The following TENM2 variants were observed in gnomAD, a reference collection of about 807,000 sequenced individuals.
TENM2 encodes the protein teneurin-2.
In TENM2, 52 loss-of-function variants were observed where a neutral mutation model predicts 245.2. That is an observed-to-expected ratio of 0.21 (90% CI 0.17 to 0.27). The LOEUF (loss-of-function observed/expected upper bound fraction) is 0.27. TENM2 is among the 10% of genes least tolerant of loss of function. TENM2 has a pLI of 1.00. For missense variants in TENM2, 3,046 were observed against 3,666.8 expected (o/e 0.83, Z 4.37); for synonymous variants, 1,363 against 1,438.9 (o/e 0.95, Z 1.19).
intron 2 of TENM2, among the ~76,000 whole-genome samples, chr5:167,448,332 GTTCTA>G (rs749679630): frequency 6.6e-6 from 1 of 151,902 alleles, no homozygotes; most frequent in Non-Finnish European, 1.5e-5. Flanking sequence ...TCTGCCTGCT[GTTCTA>G]TTTTATTGTG....
intron 2 of TENM2, among the ~76,000 whole-genome samples, chr5:167,607,925 A>T (rs1777174446): frequency 6.6e-6 from 1 of 152,074 alleles, no homozygotes; most frequent in African/African-American, 2.4e-5. Context: ...TTTTATTATA[A>T]CAGAAAATGT....
intron 9 of TENM2, among the ~76,000 whole-genome samples, chr5:168,099,574 G>T (rs1038311957): frequency 6.6e-6 from 1 of 152,018 alleles, no homozygotes; most frequent in Non-Finnish European, 1.5e-5. Context: ...TAATCTTCCC[G>T]TTATTTTCAT....
intron 1 of TENM2, among the ~76,000 whole-genome samples, chr5:167,341,681 G>T (rs981774645): frequency 6.6e-6 from 1 of 150,864 alleles, no homozygotes; most frequent in Admixed American, 6.6e-5. Context: ...TTTTTCTTTT[G>T]GTTCATTCAT....
chr5:167,415,052 C>T (rs749349221), intron 2 of TENM2, among the ~76,000 whole-genome samples: 1 of 152,098 alleles, frequency 6.6e-6, no homozygotes, highest in Non-Finnish European at 1.5e-5. Context: ...TCTTTCCTCA[C>T]AAGTATCCAC....
intron 3 of TENM2, among the ~76,000 whole-genome samples, chr5:167,900,696 T>C (rs1775628693): frequency 6.6e-6 from 1 of 152,204 alleles, no homozygotes; most frequent in Non-Finnish European, 1.5e-5. Context: ...TGTTAATCAC[T>C]GCGTTGGTTA....
intron 25 of TENM2, among the ~76,000 whole-genome samples, chr5:168,232,002 G>T (rs1256884885): frequency 6.6e-6 from 1 of 152,070 alleles, no homozygotes; most frequent in Non-Finnish European, 1.5e-5. Flanking sequence ...AGGAGTTTGA[G>T]GCTGCAGTGA....
intron 2 of TENM2, among the ~76,000 whole-genome samples, chr5:167,607,871 T>C (rs1239445371): frequency 1.3e-5 from 2 of 152,178 alleles, no homozygotes; most frequent in East Asian, 1.9e-4. Flanking sequence ...AGAATGAAGA[T>C]AGCTAACCCA....
chr5:168,191,407 G>T (rs1760947858), intron 14 of TENM2, among the ~76,000 whole-genome samples: 1 of 152,138 alleles, frequency 6.6e-6, no homozygotes, highest in African/African-American at 2.4e-5. Context: ...GGCCATGCTT[G>T]ATCTTCCTCT....
At chr5:167,984,023 G>A (rs1048320174) in intron 4 of TENM2, among the ~76,000 whole-genome samples, 1 of 152,156 alleles carries the variant, frequency 6.6e-6, no homozygotes, top group African/African-American at 2.4e-5. Flanking sequence ...TCAATGCTAA[G>A]CATTTCACGA....
intron 5 of TENM2, among the ~76,000 whole-genome samples, chr5:168,033,562 C>G (rs1006874446): frequency 2.6e-5 from 4 of 152,106 alleles, no homozygotes; most frequent in Admixed American, 1.3e-4. Flanking sequence ...TCCCAGACCT[C>G]AGTTAATTGT....
intron 3 of TENM2, among the ~76,000 whole-genome samples, chr5:167,913,751 A>G (rs1776720763): frequency 6.6e-6 from 1 of 152,284 alleles, no homozygotes; most frequent in Admixed American, 6.5e-5. Context: ...TACTCCAGAA[A>G]CTACTGTGAT....
At chr5:167,769,245 A>C (rs1763242224) in intron 2 of TENM2, among the ~76,000 whole-genome samples, 1 of 152,180 alleles carries the variant, frequency 6.6e-6, no homozygotes, top group Non-Finnish European at 1.5e-5. Flanking sequence ...TTTGGGGAGC[A>C]CTTAGAAATG....
intron 2 of TENM2, among the ~76,000 whole-genome samples, chr5:167,658,315 TCTC>T (rs1249379492): frequency 6.6e-6 from 1 of 151,890 alleles, no homozygotes; most frequent in African/African-American, 2.4e-5. Context: ...TTTAAGCTAT[TCTC>T]CTGCCTCGGC....
At chr5:167,375,528 C>T (rs1760696903) in intron 2 of TENM2, 55 bp downstream of exon 4, 1 of 1,494,756 alleles carries the variant, frequency 6.7e-7, no homozygotes, top group Non-Finnish European at 9.0e-7. Context: ...CCACGTGGGG[C>T]TTTGAATGTT....
intron 3 of TENM2, among the ~76,000 whole-genome samples, chr5:167,896,516 T>G (rs1775239210): frequency 6.6e-6 from 1 of 152,208 alleles, no homozygotes; most frequent in Admixed American, 6.5e-5. Context: ...TAAATAACTT[T>G]GCAACCCTAC....
chr5:167,368,520 G>A (rs77294078), intron 1 of TENM2, among the ~76,000 whole-genome samples: 3,908 of 152,012 alleles, frequency 0.026, 87 homozygotes, highest in African/African-American at 0.062. Context: ...AGATTTTCTT[G>A]GTACGCGATA....
intron 3 of TENM2, among the ~76,000 whole-genome samples, chr5:167,879,132 T>C (rs1031423323): frequency 6.6e-6 from 1 of 152,140 alleles, no homozygotes; most frequent in South Asian, 2.1e-4. Flanking sequence ...GGAACGAAAA[T>C]GTTTTTCCCC....
In TENM2 at chr5:167,309,652, C is replaced by G. The variant is rs896754569; in HGVS notation, c.226+24589C>G. On this transcript the variant is annotated intron_variant, in intron 1 of 28. Coordinates refer to ENST00000518659, the Ensembl canonical transcript of TENM2. ...GCTATGACTATAAGCCGCAGGAGAT[C>G]ACTCTTGTCAAAAAACACTTAAGGT... The G allele has an allele frequency of 7.9e-5, 12 of 152,224 alleles. No homozygotes were observed. In the South Asian group the frequency reaches 2.5e-3, roughly 32 times the overall value. The allele number at this position is 152,224 out of a possible 1,614,324, so 9.4% of individuals were successfully genotyped here.
In TENM2 at chr5:167,839,780, T is replaced by A. The variant is rs960893309; in HGVS notation, c.503-36206T>A. The stretch of plus-strand genomic sequence containing the variant: ...TTTTTAGTGACAGAAAATTTTCCAA[T>A]GTTAGGAAAAAAATTAAATTACCTA... On this transcript the variant is annotated intron_variant, in intron 2 of 28. Coordinates refer to ENST00000518659, the Ensembl canonical transcript of TENM2. Among the ~76,000 whole-genome samples, 3 of 152,178 alleles carry A rather than the reference T, an allele frequency of 2.0e-5. No homozygotes were observed. In the South Asian group the frequency reaches 6.2e-4, roughly 31 times the overall value.
Sources: allele counts gnomAD v4.1 joint callset (sites outside exome capture counted in the v4.1 genomes callset), GRCh38; gene constraint gnomAD v4.1.1; transcripts MANE v1.5; gene names NCBI Gene and HGNC (gene_info 2026-07-23, HGNC 2026-07-21).